The following SRL variants were observed in gnomAD, a reference collection of about 807,000 sequenced individuals.
The protein encoded by SRL is sarcalumenin.
A neutral mutation model predicts 39.5 loss-of-function variants in SRL; 23 were observed. That is an observed-to-expected ratio of 0.58 (90% CI 0.42 to 0.82). SRL has a LOEUF of 0.82. Ranked by LOEUF, SRL falls within the 40% of genes least tolerant of loss-of-function variation. The pLI is 0.00. For synonymous variants in SRL, 272 were observed against 237.4 expected (o/e 1.15, Z -1.34); for missense variants, 592 against 607.8 (o/e 0.97, Z 0.27).
Position 4,195,606 on chromosome 16 carries a change from AC to A in SRL, c.556del (p.Val186SerfsTer49). 6.2e-7 allele frequency: 1 copy of A among 1,614,118 alleles called. No individual in the cohort carries two copies. Among genetic ancestry groups the A allele is most frequent in the East Asian group, 2.2e-5 (1 of 44,872 alleles). ...GATGCCTGGTGTATCCACAAAAGTG[AC>A]CCTCTCCAGAAGTTTGTGGGGAACC... ...IEVPHKLLER[V>X]TFVDTPGIIE... On this transcript the variant is annotated frameshift_variant, in exon 5 of 6. Coordinates refer to ENST00000399609, the MANE Select transcript of SRL (RefSeq NM_001098814.2). LOFTEE classifies it high-confidence loss of function.
chr16:4,241,329 G>C (rs1288105332), intron 1 of SRL, among the ~76,000 whole-genome samples: 1 of 152,146 alleles, frequency 6.6e-6, no homozygotes, highest in Non-Finnish European at 1.5e-5. Context: ...TACCCAAAGT[G>C]CTGAGATGTC....
rs1243484776 is a variant in SRL at position 4,209,791 on chromosome 16, GTCAGAGAGATT to G, written c.62-5168_62-5158del. Among the ~76,000 whole-genome samples the G allele has an allele frequency of 8.5e-5, 13 of 152,294 alleles. No homozygotes were observed. In the East Asian group the frequency reaches 2.3e-3, roughly 27 times the overall value. On this transcript the variant is annotated intron_variant, in intron 1 of 5. Coordinates refer to ENST00000399609, the MANE Select transcript of SRL (RefSeq NM_001098814.2). ...TGGCCATTTAACCTTCTTTACGACT[GTCAGAGAGATT>G]TCAGAGCTGAATAAGTGAAAGTCCA...
rs764116237 is a variant in SRL, at chr16:4,197,893, G to A, written c.282C>T (p.Pro94=). ...TCCACGGTCCCAGGAACAGTACCAT[G>A]GGCTTGGAGGTAATCTCTCCATCTG... is the stretch of plus-strand genomic sequence containing the variant. The part of the protein sequence containing the change: ...EITDGEITSK[P]MVLFLGPWSV... Residue 94 remains proline, a synonymous_variant, in exon 4 of 6, where the codon CCC becomes CCT. Transcript: ENST00000399609. 3.1e-6 allele frequency: 5 copies of A among 1,613,626 alleles called. No individual in the cohort carries two copies. Among genetic ancestry groups the A allele is most frequent in the Middle Eastern group, 1.7e-4 (1 of 6,060 alleles).
intron 1 of SRL, among the ~76,000 whole-genome samples, chr16:4,238,068 C>G (rs570014462): frequency 2.0e-5 from 3 of 152,158 alleles, no homozygotes; most frequent in Admixed American, 2.0e-4. Flanking sequence ...ATGCAGCAAA[C>G]GAGGGATGGG....
intron 1 of SRL, among the ~76,000 whole-genome samples, chr16:4,229,429 G>A (rs754938893): frequency 2.6e-5 from 4 of 151,840 alleles, no homozygotes; most frequent in South Asian, 2.1e-4. Context: ...CAGCCTGGGC[G>A]ACAGAGCAAG....
chr16:4,220,817 C>T lies in SRL; in HGVS notation c.62-16183G>A, dbSNP rs1426925398. Reference sequence around the variant, plus strand: ...CAGCCTAGGCAACATAGTGGGACCCCGAATATACTTAAAAAAAAATTAGCT... The same window carrying T: ...CAGCCTAGGCAACATAGTGGGACCCTGAATATACTTAAAAAAAAATTAGCT... On this transcript the variant is annotated intron_variant, in intron 1 of 5. Transcript: ENST00000399609. Among the ~76,000 whole-genome samples, 5 of 150,808 alleles carry T rather than the reference C, an allele frequency of 3.3e-5. No homozygotes were observed. In the South Asian group the frequency reaches 8.4e-4, roughly 25 times the overall value.
At chr16:4,236,084 T>C (rs1361905788) in intron 1 of SRL, among the ~76,000 whole-genome samples, 1 of 151,978 alleles carries the variant, frequency 6.6e-6, no homozygotes, top group South Asian at 2.1e-4. Context: ...AAAAAATAAA[T>C]AAAAAGAAAA....
intron 1 of SRL, among the ~76,000 whole-genome samples, chr16:4,235,719 TAAAA>T (rs1567192247): frequency 6.6e-6 from 1 of 150,560 alleles, no homozygotes; most frequent in East Asian, 2.0e-4. Context: ...AAATAAAAAT[TAAAA>T]AAAGAGAGAG....
At chr16:4,206,509 G>A (rs868510) in intron 1 of SRL, among the ~76,000 whole-genome samples, 30,742 of 152,092 alleles carry the variant, frequency 0.2, 3,146 homozygotes, top group African/African-American at 0.22. Context: ...CCCCTGACTC[G>A]GAAGTACCAG....
chr16:4,230,408 T>G, intron 1 of SRL, among the ~76,000 whole-genome samples: 1 of 145,696 alleles, frequency 6.9e-6, no homozygotes, highest in African/African-American at 2.6e-5. Context: ...TGAGACAGAG[T>G]CTTGCCCTGT....
intron 1 of SRL, among the ~76,000 whole-genome samples, chr16:4,226,731 CAGAT>C (rs1339981347): frequency 2.7e-5 from 4 of 146,562 alleles, no homozygotes; most frequent in African/African-American, 1.0e-4. Context: ...TATGGATGAA[CAGAT>C]GGATGGAAGG....
Position 4,204,646 on chromosome 16 carries a change from A to G in SRL, c.62-12T>C, listed in dbSNP as rs1308829651. On this transcript the variant is annotated splice_polypyrimidine_tract_variant and intron_variant, in intron 1 of 5. Transcript: ENST00000399609. ...ATCCTCCGTCTCTTCTGTGGAGAGAAGCAGACAGCCAAGTGAGAGCAAAGC... is the reference window on the plus strand; with the variant it reads ...ATCCTCCGTCTCTTCTGTGGAGAGAGGCAGACAGCCAAGTGAGAGCAAAGC... 6.2e-7 allele frequency: 1 copy of G among 1,610,856 alleles called. No homozygotes were observed. The highest frequency in any genetic ancestry group is 1.3e-5 in the African/African-American group (1 of 74,990).
chr16:4,237,339 C>T lies in SRL; in HGVS notation c.61+4668G>A, dbSNP rs1325552940. ...GTGACCTCAATGGAACCTGTAAGGG[C>T]CCCCTCCCCTGGCCTGGCTCCCAAG... On this transcript the variant is annotated intron_variant, in intron 1 of 5. Transcript: ENST00000399609. 2.6e-5 allele frequency among the ~76,000 whole-genome samples: 4 copies of T among 152,080 alleles called. No individual in the cohort carries two copies. In the East Asian group the frequency reaches 5.8e-4, roughly 22 times the overall value.
intron 1 of SRL, among the ~76,000 whole-genome samples, chr16:4,222,054 C>T (rs1006799770): frequency 7.9e-5 from 12 of 152,198 alleles, no homozygotes; most frequent in African/African-American, 2.4e-4. Flanking sequence ...GACTTCAACA[C>T]ATCCTTTTGG....
At chr16:4,196,471 CTTTTTT>C (rs35980213) in intron 4 of SRL, among the ~76,000 whole-genome samples, 127 of 123,734 alleles carry the variant, frequency 1.0e-3, no homozygotes, top group African/African-American at 3.8e-3. Flanking sequence ...ATTTTGCCTT[CTTTTTT>C]TTTTTTTTTT....
intron 3 of SRL, 75 bp from the exon 4 acceptor site, chr16:4,197,990 A>G (rs1422548108): frequency 2.1e-6 from 2 of 970,710 alleles, no homozygotes; most frequent in East Asian, 2.4e-5. Flanking sequence ...CGTACTCCAA[A>G]GCATCTCACC....
intron 3 of SRL, 126 bp from the exon 4 acceptor site, chr16:4,198,041 G>A (rs773537330): frequency 2.0e-5 from 14 of 701,164 alleles, no homozygotes; most frequent in Admixed American, 6.4e-5. Flanking sequence ...TGAATCAGAC[G>A]TGTGTAGCCC....
intron 1 of SRL, among the ~76,000 whole-genome samples, chr16:4,214,856 C>T (rs1244058379): frequency 6.6e-6 from 1 of 151,904 alleles, no homozygotes; most frequent in Non-Finnish European, 1.5e-5. Flanking sequence ...CAACCTCTGC[C>T]TCCTGGGTTC....
In SRL at chr16:4,203,273, G is replaced by C. The variant is rs773483915; in HGVS notation, c.164-12C>G. On this transcript the variant is annotated splice_polypyrimidine_tract_variant and intron_variant, in intron 2 of 5. Transcript: ENST00000399609. ...CCGCTGCAGCACCGCTGGAGACAGA[G>C]AGGGCCGGGGGAAGAGCATCACGCA... The C allele has an allele frequency of 1.2e-6, 2 of 1,612,306 alleles. No homozygotes were observed. The highest frequency in any genetic ancestry group is 2.2e-5 in the East Asian group (1 of 44,876).
Sources: gnomAD v4.1 joint callset for allele counts (sites outside exome capture counted in the v4.1 genomes callset) on GRCh38, gnomAD v4.1.1 for gene constraint, MANE v1.5 for transcripts, NCBI Gene and HGNC (gene_info 2026-07-23, HGNC 2026-07-21) for gene names.